The following MTUS1 variants were observed in gnomAD, a reference collection of about 807,000 sequenced individuals.
MTUS1 encodes the protein microtubule-associated tumor suppressor 1.
In MTUS1, 109 loss-of-function variants were observed where a neutral mutation model predicts 120.8. The ratio of observed to expected loss-of-function variants is 0.90; its 90% CI spans 0.77 to 1.06. MTUS1 has a LOEUF of 1.06. MTUS1 is among the 50% of genes least tolerant of loss of function. MTUS1 has a pLI of 0.00. For missense variants in MTUS1, 2,210 were observed against 1,486.3 expected, an observed-to-expected ratio of 1.49 and a Z score of -8.01; for synonymous variants, 737 against 550.5, an observed-to-expected ratio of 1.34 and a Z score of -4.74.
chr8:17,759,896 G>C (rs1265682297), intron 1 of MTUS1, among the ~76,000 whole-genome samples: 1 of 151,678 alleles, frequency 6.6e-6, no homozygotes, highest in Non-Finnish European at 1.5e-5. Flanking sequence ...GTACACTTGG[G>C]TTTATGATTT....
At chr8:17,778,694 A>G (rs2050643598) in intron 1 of MTUS1, among the ~76,000 whole-genome samples, 1 of 152,118 alleles carries the variant, frequency 6.6e-6, no homozygotes, top group Admixed American at 6.6e-5. Flanking sequence ...CTGTAGTCCC[A>G]GCTACTTGGG....
chr8:17,763,675 T>C (rs1360550780), intron 1 of MTUS1, among the ~76,000 whole-genome samples: 2 of 152,274 alleles, frequency 1.3e-5, no homozygotes, highest in South Asian at 2.1e-4. Context: ...GGATTAACAG[T>C]ACCCTACCCA....
At chr8:17,745,526 G>C (rs530494749) in intron 2 of MTUS1, among the ~76,000 whole-genome samples, 1 of 152,294 alleles carries the variant, frequency 6.6e-6, no homozygotes, top group East Asian at 1.9e-4. Flanking sequence ...ACAGAGGGCT[G>C]ACTGTATTCA....
chr8:17,738,728 G>GC (rs2047102141), intron 3 of MTUS1, among the ~76,000 whole-genome samples: 1 of 152,092 alleles, frequency 6.6e-6, no homozygotes. Context: ...ATTTTCAATA[G>GC]CCACATAAAA....
At chr8:17,693,133 A>G (rs942576715) in intron 6 of MTUS1, 6 of 152,202 alleles carry the variant, frequency 3.9e-5, no homozygotes, top group East Asian at 1.9e-4. Flanking sequence ...GTGGCAGGGA[A>G]TATTTCTTAG....
intron 8 of MTUS1, among the ~76,000 whole-genome samples, chr8:17,660,450 G>A (rs1176246590): frequency 6.6e-6 from 1 of 152,112 alleles, no homozygotes; most frequent in Non-Finnish European, 1.5e-5. Flanking sequence ...GGACACTTGG[G>A]TTGCCTCCAC....
chr8:17,732,486 G>C (rs1225488394), intron 3 of MTUS1, among the ~76,000 whole-genome samples: 3 of 152,144 alleles, frequency 2.0e-5, no homozygotes, highest in Non-Finnish European at 4.4e-5. Context: ...AGCTATCCTT[G>C]ACCTGTGCTC....
intron 6 of MTUS1, among the ~76,000 whole-genome samples, chr8:17,696,379 C>T (rs1033126979): frequency 2.4e-4 from 37 of 152,008 alleles, no homozygotes; most frequent in African/African-American, 8.0e-4. Context: ...ATAAGAAACA[C>T]GAGGGGTCAC....
intron 7 of MTUS1, among the ~76,000 whole-genome samples, chr8:17,683,356 TC>T (rs1388165273): frequency 1.3e-5 from 2 of 152,126 alleles, no homozygotes; most frequent in East Asian, 3.8e-4. Flanking sequence ...CTTCTCTCTC[TC>T]CCCACTCCCT....
At chr8:17,728,478 C>A (rs1159911999) in intron 3 of MTUS1, among the ~76,000 whole-genome samples, 5 of 152,228 alleles carry the variant, frequency 3.3e-5, no homozygotes, top group Non-Finnish European at 7.3e-5. Flanking sequence ...TATTTATGTG[C>A]TTACCTAGTA....
In MTUS1 at chr8:17,684,150, C is replaced by T. The variant is rs78014233; in HGVS notation, c.2838+178G>A. 2.0e-3 allele frequency among the ~76,000 whole-genome samples: 305 copies of T among 152,256 alleles called. 1 individual carries two copies. Among genetic ancestry groups the T allele is most frequent in the African/African-American group, 7.0e-3 (289 of 41,534 alleles). The stretch of plus-strand genomic sequence containing the variant: ...AGGAAGTGAGAAAATGTTTCCATCC[C>T]AAATTGCTAGAGACCGACTCAAGTA... On this transcript the variant is annotated intron_variant, in intron 7 of 14. Transcript: ENST00000693296.
At chr8:17,681,661 TA>T (rs1426128044) in intron 7 of MTUS1, 1 of 154,788 alleles carries the variant, frequency 6.5e-6, no homozygotes, top group Non-Finnish European at 1.5e-5. Flanking sequence ...TAGTATTCAA[TA>T]AATCCCTCTT....
intron 6 of MTUS1, among the ~76,000 whole-genome samples, chr8:17,706,792 T>G (rs937164408): frequency 6.6e-6 from 1 of 152,222 alleles, no homozygotes; most frequent in Non-Finnish European, 1.5e-5. Context: ...CAAAAGTAGT[T>G]AAATGTTACT....
chr8:17,742,269 G>GTTTTTGTTTTTTTTTT lies in MTUS1; in HGVS notation c.2287+1334_2287+1335insAAAAAAAAAACAAAAA, dbSNP rs1554516813. On this transcript the variant is annotated intron_variant, in intron 3 of 14. Coordinates refer to ENST00000693296, the MANE Select transcript of MTUS1 (RefSeq NM_001363059.2). ...CACCATCATGCTCTCATGCCCAGCT[G>GTTTTTGTTTTTTTTTT]TTTTTTTTTTTTGTTGTTGTTGTTT... 3.2e-5 allele frequency among the ~76,000 whole-genome samples: 3 copies of GTTTTTGTTTTTTTTTT among 94,900 alleles called. 1 individual carries two copies. Among genetic ancestry groups the GTTTTTGTTTTTTTTTT allele is most frequent in the African/African-American group, 4.3e-5 (1 of 23,270 alleles). 62.3% of individuals were successfully genotyped at this position (94,900 alleles called of 152,430 possible). A position where few individuals can be genotyped will look rare whatever the true frequency, so the allele number is the denominator to read the frequency against.
chr8:17,653,038 T>G (rs1277102562), intron 12 of MTUS1, 148 bp downstream of exon 12: 1 of 536,868 alleles, frequency 1.9e-6, no homozygotes, highest in Non-Finnish European at 3.3e-6. Context: ...AGCAAAGCAG[T>G]TGTTTTACAC....
At chr8:17,661,388 T>C (rs1809658359) in intron 8 of MTUS1, among the ~76,000 whole-genome samples, 1 of 152,194 alleles carries the variant, frequency 6.6e-6, no homozygotes, top group Non-Finnish European at 1.5e-5. Context: ...TGGAAGCTCA[T>C]ATCTGGGACA....
intron 1 of MTUS1, among the ~76,000 whole-genome samples, chr8:17,775,439 T>C (rs1252291270): frequency 2.0e-5 from 3 of 152,016 alleles, no homozygotes; most frequent in African/African-American, 7.3e-5. Context: ...AAATGCTAAA[T>C]CCTCAAATGT....
intron 7 of MTUS1, chr8:17,681,568 G>A (rs778601200): frequency 1.4e-4 from 21 of 154,740 alleles, no homozygotes; most frequent in Middle Eastern, 1.0e-3. Flanking sequence ...AGAATATCTG[G>A]CACTTAGTAA....
intron 1 of MTUS1, among the ~76,000 whole-genome samples, chr8:17,785,918 G>A (rs2051264983): frequency 1.3e-5 from 2 of 152,200 alleles, no homozygotes; most frequent in South Asian, 4.1e-4. Context: ...GCCAAAACAA[G>A]AGAATCTATT....
Sources: gnomAD v4.1 joint callset for allele counts (sites outside exome capture counted in the v4.1 genomes callset) on GRCh38, gnomAD v4.1.1 for gene constraint, MANE v1.5 for transcripts, NCBI Gene and HGNC (gene_info 2026-07-23, HGNC 2026-07-21) for gene names.